The following AMMECR1 variants were observed in gnomAD, a reference collection of about 807,000 sequenced individuals.
AMMECR1 encodes nuclear protein AMMECR1.
Under a neutral mutation model 22.5 loss-of-function variants are expected in AMMECR1, and 3 were observed. The ratio of observed to expected loss-of-function variants is 0.13; its 90% CI spans 0.06 to 0.35. The LOEUF (loss-of-function observed/expected upper bound fraction) is 0.35, where lower values mean the gene tolerates loss of function less well. AMMECR1 is among the 10% of genes least tolerant of loss of function. The pLI is 1.00. For synonymous variants in AMMECR1, 130 were observed against 116.7 expected, an observed-to-expected ratio of 1.11 and a Z score of -0.74; for missense variants, 235 against 278.7, an observed-to-expected ratio of 0.84 and a Z score of 1.12.
Position 110,410,076 on chromosome X carries a change from G to C in AMMECR1, c.-148+16582C>G, listed in dbSNP as rs373003958. Among the ~76,000 whole-genome samples the C allele has an allele frequency of 9.8e-5, 11 of 111,896 alleles. No homozygotes were observed. In the East Asian group the frequency reaches 3.1e-3, roughly 31 times the overall value. On this transcript the variant is annotated intron_variant, in intron 2 of 7. Transcript: ENST00000372057. ...GTGATTTTGATGAGGAACCCAGTTA[G>C]GGAAACCACTCAGACTGACTTTCTC...
intron 1 of AMMECR1, among the ~76,000 whole-genome samples, chrX:110,287,657 A>G (rs920959853): frequency 8.9e-6 from 1 of 112,224 alleles, no homozygotes; most frequent in African/African-American, 3.2e-5. Flanking sequence ...AGAGTTGTGA[A>G]TACCATACCC....
At chrX:110,400,613 A>G (rs770015814) in intron 2 of AMMECR1, among the ~76,000 whole-genome samples, 2 of 110,836 alleles carry the variant, frequency 1.8e-5, no homozygotes, top group East Asian at 5.7e-4. Context: ...TATTCCCTTT[A>G]CTTGGAATAC....
In AMMECR1 at chrX:110,318,016, G is replaced by C; in HGVS notation, c.56C>G (p.Ser19Cys). Residue 19 changes from serine (S) to cysteine (C), a missense_variant, in exon 1 of 6, where the codon TCT (serine) becomes TGT (cysteine). Coordinates refer to ENST00000262844, the MANE Select transcript of AMMECR1 (RefSeq NM_015365.3). ...KKQKLSSSPPSGSGGGGGASS... is the reference protein window; with the variant it reads ...KKQKLSSSPPCGSGGGGGASS... ...GGCGCCACCACCGCCACCCGAGCCAGAGGGGGGCGAACTGGACAGTTTCTG... is the reference window on the plus strand; with the variant it reads ...GGCGCCACCACCGCCACCCGAGCCACAGGGGGGCGAACTGGACAGTTTCTG... 1 of 1,206,426 alleles carries C rather than the reference G, an allele frequency of 8.3e-7. No homozygotes were observed. Among genetic ancestry groups the C allele is most frequent in the Non-Finnish European group, 1.1e-6 (1 of 893,631 alleles).
At chrX:110,268,958 T>C (rs1050496112) in intron 1 of AMMECR1, among the ~76,000 whole-genome samples, 1 of 112,061 alleles carries the variant, frequency 8.9e-6, no homozygotes, top group Non-Finnish European at 1.9e-5. Context: ...GAAATATTAA[T>C]GAAAATGTTT....
intron 2 of AMMECR1, among the ~76,000 whole-genome samples, chrX:110,355,111 G>C (rs1161674278): frequency 1.8e-5 from 2 of 112,134 alleles, no homozygotes; most frequent in African/African-American, 6.5e-5. Context: ...TCTGACAAGG[G>C]GCTAATATCC....
intron 2 of AMMECR1, among the ~76,000 whole-genome samples, chrX:110,339,972 A>G (rs1239519427): frequency 1.2e-5 from 1 of 86,797 alleles, no homozygotes; most frequent in Non-Finnish European, 2.1e-5. Context: ...AAGGCAAAAC[A>G]TACACACACA....
intron 2 of AMMECR1, among the ~76,000 whole-genome samples, chrX:110,330,122 C>A (rs1282225562): frequency 1.8e-5 from 2 of 111,695 alleles, no homozygotes; most frequent in Admixed American, 9.6e-5. Flanking sequence ...CATCTTTATT[C>A]AGTTCCCTTT....
At chrX:110,419,189 T>C (rs984667300) in intron 2 of AMMECR1, 6 of 112,375 alleles carry the variant, frequency 5.3e-5, no homozygotes, top group African/African-American at 1.9e-4. Flanking sequence ...AAAATGCATG[T>C]ACTAATCCTG....
At chrX:110,346,500 T>A (rs188667075) in intron 2 of AMMECR1, among the ~76,000 whole-genome samples, 31 of 112,555 alleles carry the variant, frequency 2.8e-4, no homozygotes, top group African/African-American at 9.7e-4. Context: ...CTGCTGCCAA[T>A]GTATATAAAA....
chrX:110,344,763 A>G (rs1461770153), intron 2 of AMMECR1, among the ~76,000 whole-genome samples: 1 of 111,797 alleles, frequency 8.9e-6, no homozygotes. Flanking sequence ...ATCACTGGCC[A>G]TCAGAGAAAT....
chrX:110,339,420 A>C (rs1050239159), intron 2 of AMMECR1, among the ~76,000 whole-genome samples: 8 of 108,144 alleles, frequency 7.4e-5, no homozygotes, highest in African/African-American at 1.7e-4. Context: ...AAAAAAAAAA[A>C]AAAAACAAAA....
intron 2 of AMMECR1, among the ~76,000 whole-genome samples, chrX:110,374,635 C>CG (rs2068363168): frequency 8.9e-6 from 1 of 111,828 alleles, no homozygotes; most frequent in Non-Finnish European, 1.9e-5. Context: ...GGTGAGATCA[C>CG]TGAGAGCTAG....
Position 110,292,921 on chromosome X carries a change from G to A in AMMECR1, c.473+24678C>T, listed in dbSNP as rs140769105. The stretch of plus-strand genomic sequence containing the variant: ...CAGGTGTGGGGTGTTGTTAATGGGG[G>A]AGGCTATATATATGTGCGAGCAAGG... On this transcript the variant is annotated intron_variant, in intron 1 of 5. Transcript: ENST00000262844. Among the ~76,000 whole-genome samples, 339 of 111,943 alleles carry A rather than the reference G, an allele frequency of 3.0e-3. 2 individuals are homozygous for A. The highest frequency in any genetic ancestry group is 4.6e-3 in the Non-Finnish European group (245 of 53,092).
chrX:110,302,267 T>A (rs1030416642), intron 1 of AMMECR1, among the ~76,000 whole-genome samples: 4 of 111,472 alleles, frequency 3.6e-5, no homozygotes, highest in African/African-American at 1.3e-4. Context: ...TTTAGATTTG[T>A]ACTGCCCTGA....
intron 3 of AMMECR1, among the ~76,000 whole-genome samples, chrX:110,210,427 T>C (rs940342398): frequency 2.7e-5 from 3 of 111,354 alleles, no homozygotes; most frequent in African/African-American, 9.8e-5. Flanking sequence ...ATGATGTATA[T>C]CATAGTTGGG....
chrX:110,417,274 T>A (rs888460610), intron 2 of AMMECR1, among the ~76,000 whole-genome samples: 1 of 112,252 alleles, frequency 8.9e-6, no homozygotes, highest in Non-Finnish European at 1.9e-5. Context: ...AGGCCCAACC[T>A]GCCAGCTTGA....
intron 2 of AMMECR1, among the ~76,000 whole-genome samples, chrX:110,223,693 G>A (rs1349529372): frequency 8.9e-6 from 1 of 111,906 alleles, no homozygotes; most frequent in Non-Finnish European, 1.9e-5. Flanking sequence ...TCCCAAATTA[G>A]TATTACTTCC....
At chrX:110,255,831 A>T (rs2067708365) in intron 2 of AMMECR1, among the ~76,000 whole-genome samples, 1 of 112,389 alleles carries the variant, frequency 8.9e-6, no homozygotes, top group African/African-American at 3.2e-5. Flanking sequence ...TTTACAGGAT[A>T]ATTTTTTGAG....
intron 2 of AMMECR1, among the ~76,000 whole-genome samples, chrX:110,221,806 T>C (rs1394571167): frequency 1.8e-5 from 2 of 111,129 alleles, no homozygotes; most frequent in Non-Finnish European, 3.8e-5. Context: ...CAGACACTTC[T>C]CAAAAGAAGA....
Sources: gnomAD v4.1 joint callset for allele counts (sites outside exome capture counted in the v4.1 genomes callset) on GRCh38, gnomAD v4.1.1 for gene constraint, MANE v1.5 for transcripts, NCBI Gene and HGNC (gene_info 2026-07-23, HGNC 2026-07-21) for gene names.